Variants in PPIAL4A observed in about 807,000 individuals in gnomAD.
PPIAL4A encodes peptidyl-prolyl cis-trans isomerase A-like 4A.
PPIAL4A carries 6 observed loss-of-function variants against 7.2 expected under a neutral mutation model. The ratio of observed to expected loss-of-function variants is 0.83; its 90% CI spans 0.46 to 1.65. PPIAL4A has a LOEUF of 1.65. PPIAL4A is among the 40% of genes most tolerant of loss of function. The pLI, the probability that PPIAL4A is intolerant of heterozygous loss-of-function variation, is 0.01. For missense variants in PPIAL4A, 212 were observed against 209.4 expected, an observed-to-expected ratio of 1.01 and a Z score of -0.08; for synonymous variants, 53 against 75.1, an observed-to-expected ratio of 0.71 and a Z score of 1.52.
Position 120,889,774 on chromosome 1 carries a change from T to C in PPIAL4A, c.-47T>C. On this transcript the variant is annotated 5_prime_UTR_variant, in exon 1 of 1. Transcript: ENST00000577856. ...ATAAAGACAGTAAAAAGATCAGTGG[T>C]TATCTTTGCAGACGCCACCATCACT... is the stretch of plus-strand genomic sequence containing the variant. 3 of 1,458,936 alleles carry C rather than the reference T, an allele frequency of 2.1e-6. 1 individual carries two copies. Among genetic ancestry groups the C allele is most frequent in the Non-Finnish European group, 2.8e-6 (3 of 1,081,388 alleles). 90.4% of individuals were successfully genotyped at this position (1,458,936 alleles called of 1,614,324 possible). A position where few individuals can be genotyped will look rare whatever the true frequency, so the allele number is the denominator to read the frequency against.
At position 120,890,178 on chromosome 1, in the gene PPIAL4A, G is replaced by A; in HGVS notation, c.358G>A (p.Glu120Lys). The A allele has an allele frequency of 6.5e-7, 1 of 1,546,956 alleles. No homozygotes were observed. Among genetic ancestry groups the A allele is most frequent in the East Asian group, 2.2e-5 (1 of 44,544 alleles). ...GTTTTTCATCTGTGCTGCCAAGACT[G>A]AGTGGTTGGATGGCAAGCATGTGGC... The part of the protein sequence containing the change: ...SQFFICAAKT[E>K]WLDGKHVAFG... The change falls in exon 1 of 1, where the codon GAG becomes AAG. Residue 120 changes from glutamate (E) to lysine (K), a missense_variant. Glu to Lys is a moderately conservative substitution (Grantham distance 56, BLOSUM62 1). Coordinates refer to ENST00000577856, the MANE Select transcript of PPIAL4A (RefSeq NM_001143883.4).
chr1:120,890,061 G>A lies in PPIAL4A; in HGVS notation c.241G>A (p.Glu81Lys). 6.8e-7 allele frequency: 1 copy of A among 1,478,826 alleles called. No homozygotes were observed. Among genetic ancestry groups the A allele is most frequent in the Non-Finnish European group, 9.2e-7 (1 of 1,090,946 alleles). The allele number at this position is 1,478,826 out of a possible 1,614,324, so 91.6% of individuals were successfully genotyped here. Reference protein sequence around the residue: ...NGTGDKSIYGEKFDDENLIRK... With the variant: ...NGTGDKSIYGKKFDDENLIRK... ...CACTGGTGACAAGTCCATCTATGGG[G>A]AGAAATTTGATGATGAGAACCTCAT... The change falls in exon 1 of 1, where the codon GAG (glutamate) becomes AAG (lysine). Residue 81 changes from glutamate to lysine, a missense_variant. Physicochemically the swap from Glu to Lys is moderately conservative, Grantham distance 56. Transcript: ENST00000577856.
chr1:120,890,239 A>G lies in PPIAL4A; in HGVS notation c.419A>G (p.Glu140Gly), dbSNP rs1653230976. The G allele has an allele frequency of 9.0e-6, 13 of 1,448,854 alleles. 2 individuals are homozygous for G. Among genetic ancestry groups the G allele is most frequent in the Admixed American group, 1.9e-5 (1 of 53,582 alleles). The allele number at this position is 1,448,854 out of a possible 1,614,324, so 89.7% of individuals were successfully genotyped here. ...GTGAAAGAACGTGTGAATATTGTGG[A>G]AGCCATGGAGCACTTTGGGTACAGG... ...GKVKERVNIV[E>G]AMEHFGYRNS... is the part of the protein sequence containing the mutation. The change falls in exon 1 of 1, where the codon GAA (glutamate) becomes GGA (glycine). Residue 140 changes from glutamate to glycine, a missense_variant. Physicochemically the swap from Glu to Gly is moderately conservative, Grantham distance 98. Transcript: ENST00000577856.
chr1:120,890,153 G>A lies in PPIAL4A; in HGVS notation c.333G>A (p.Gln111=). 6.4e-7 allele frequency: 1 copy of A among 1,550,624 alleles called. No individual in the cohort carries two copies. The highest frequency in any genetic ancestry group is 8.7e-7 in the Non-Finnish European group (1 of 1,150,134). The change falls in exon 1 of 1, where the codon CAG becomes CAA. Residue 111 remains glutamine (Q), a synonymous_variant. Coordinates refer to ENST00000577856, the MANE Select transcript of PPIAL4A (RefSeq NM_001143883.4). The part of the protein sequence containing the change: ...ANAGPNTNGS[Q]FFICAAKTEW... ...CTGGACCCAACACAAATGGTTCCCA[G>A]TTTTTCATCTGTGCTGCCAAGACTG...
Position 120,889,885 on chromosome 1 carries a change from T to C in PPIAL4A, c.65T>C (p.Ile22Thr). 4.8e-6 allele frequency: 7 copies of C among 1,469,942 alleles called. 2 individuals are homozygous for C. In the Admixed American group the frequency reaches 9.1e-5, roughly 19 times the overall value. The allele number at this position is 1,469,942 out of a possible 1,614,324, so 91.1% of individuals were successfully genotyped here. ...GGCAAGCCCTTGGGCCGCATCTCCA[T>C]CAAACTGTTTGCAGACAAGATTCTA... ...VDGKPLGRIS[I>T]KLFADKILKT... The change falls in exon 1 of 1, where the codon ATC (isoleucine) becomes ACC (threonine). Residue 22 changes from isoleucine (I) to threonine (T), a missense_variant. Coordinates refer to ENST00000577856, the MANE Select transcript of PPIAL4A (RefSeq NM_001143883.4).
At position 120,890,157 on chromosome 1, in the gene PPIAL4A, T is replaced by G; in HGVS notation, c.337T>G (p.Phe113Val). 6.4e-7 allele frequency: 1 copy of G among 1,550,440 alleles called. No individual in the cohort carries two copies. The highest frequency in any genetic ancestry group is 8.7e-7 in the Non-Finnish European group (1 of 1,150,074). The change falls in exon 1 of 1, where the codon TTC becomes GTC. Residue 113 changes from phenylalanine to valine, a missense_variant. Phe to Val is a conservative substitution (Grantham distance 50, BLOSUM62 -1). Coordinates refer to ENST00000577856, the MANE Select transcript of PPIAL4A (RefSeq NM_001143883.4). Reference sequence around the variant, plus strand: ...ACCCAACACAAATGGTTCCCAGTTTTTCATCTGTGCTGCCAAGACTGAGTG... The same window carrying G: ...ACCCAACACAAATGGTTCCCAGTTTGTCATCTGTGCTGCCAAGACTGAGTG... ...AGPNTNGSQFFICAAKTEWLD... is the reference protein window; with the variant it reads ...AGPNTNGSQFVICAAKTEWLD...
chr1:120,889,875 C>G lies in PPIAL4A; in HGVS notation c.55C>G (p.Arg19Gly), dbSNP rs1332492716. The change falls in exon 1 of 1, where the codon CGC becomes GGC. Residue 19 changes from arginine (R) to glycine (G), a missense_variant. Transcript: ENST00000577856. ...DITVDGKPLG[R>G]ISIKLFADKI... ...CACCGTCGACGGCAAGCCCTTGGGC[C>G]GCATCTCCATCAAACTGTTTGCAGA... 10,180 of 1,469,430 alleles carry G rather than the reference C, an allele frequency of 6.9e-3. 2,250 individuals are homozygous for G. The highest frequency in any genetic ancestry group is 8.6e-3 in the Non-Finnish European group (9,332 of 1,085,352). The allele number at this position is 1,469,430 out of a possible 1,614,324, so 91.0% of individuals were successfully genotyped here.
In PPIAL4A at chr1:120,889,857, G is replaced by T; in HGVS notation, c.37G>T (p.Asp13Tyr). The stretch of plus-strand genomic sequence containing the variant: ...CGTCGTCTTTTTTGACATCACCGTC[G>T]ACGGCAAGCCCTTGGGCCGCATCTC... The part of the protein sequence containing the change: ...NSVVFFDITV[D>Y]GKPLGRISIK... The change falls in exon 1 of 1, where the codon GAC (aspartate) becomes TAC (tyrosine). Residue 13 changes from aspartate to tyrosine, a missense_variant. By Grantham distance (160) the Asp-to-Tyr change is radical. Coordinates refer to ENST00000577856, the MANE Select transcript of PPIAL4A (RefSeq NM_001143883.4). 1 of 1,468,722 alleles carries T rather than the reference G, an allele frequency of 6.8e-7. No homozygotes were observed. The highest frequency in any genetic ancestry group is 2.3e-5 in the East Asian group (1 of 44,436). The allele number at this position is 1,468,722 out of a possible 1,614,324, so 91.0% of individuals were successfully genotyped here. A position where few individuals can be genotyped will look rare whatever the true frequency, so the allele number is the denominator to read the frequency against.
Position 120,889,828 on chromosome 1 carries a change from A to G in PPIAL4A, c.8A>G (p.Asn3Ser). 1 of 1,466,528 alleles carries G rather than the reference A, an allele frequency of 6.8e-7. No homozygotes were observed. 90.8% of individuals were successfully genotyped at this position (1,466,528 alleles called of 1,614,324 possible). A position where few individuals can be genotyped will look rare whatever the true frequency, so the allele number is the denominator to read the frequency against. Reference sequence around the variant, plus strand: ...AGCCCTGTACTATCAGCCATGGTCAACTCCGTCGTCTTTTTTGACATCACC... The same window carrying G: ...AGCCCTGTACTATCAGCCATGGTCAGCTCCGTCGTCTTTTTTGACATCACC... MVNSVVFFDITVD... is the reference protein window; with the variant it reads MVSSVVFFDITVD... The change falls in exon 1 of 1, where the codon AAC (asparagine) becomes AGC (serine). Residue 3 changes from asparagine (N) to serine (S), a missense_variant. Coordinates refer to ENST00000577856, the MANE Select transcript of PPIAL4A (RefSeq NM_001143883.4).
Sources: allele counts gnomAD v4.1 joint callset, GRCh38; gene constraint gnomAD v4.1.1; transcripts MANE v1.5; gene names NCBI Gene and HGNC (gene_info 2026-07-23, HGNC 2026-07-21).